The following TOP1 variants were observed in gnomAD, a reference collection of about 807,000 sequenced individuals.
The protein encoded by TOP1 is DNA topoisomerase 1.
TOP1 carries 10 observed loss-of-function variants against 111.1 expected under a neutral mutation model. That is an observed-to-expected ratio of 0.09 (90% confidence interval 0.06 to 0.15). The LOEUF (loss-of-function observed/expected upper bound fraction) is 0.15, where lower values mean the gene tolerates loss of function less well. TOP1 is among the 10% of genes least tolerant of loss of function. The pLI is 1.00. For missense variants in TOP1, 474 were observed against 926.7 expected (o/e 0.51, Z 6.34); for synonymous variants, 271 against 302.9 (o/e 0.89, Z 1.10).
chr20:41,065,684 A>G (rs1222493509), intron 3 of TOP1, among the ~76,000 whole-genome samples: 2 of 152,122 alleles, frequency 1.3e-5, no homozygotes, highest in African/African-American at 4.8e-5. Context: ...AATCTGTTCT[A>G]TATTCCCTTA....
rs748191040 is a variant in TOP1, at chr20:41,067,370, C to G, written c.155+5880C>G. Among the ~76,000 whole-genome samples the G allele has an allele frequency of 6.6e-6, 1 of 152,182 alleles. No individual in the cohort carries two copies. The highest frequency in any genetic ancestry group is 2.4e-5 in the African/African-American group (1 of 41,432). ...TCCTGGCCTTGTGATCCTCCTGCCTCAGCCTCCCAAGGTGCTGGGATTACA... is the reference window on the plus strand; with the variant it reads ...TCCTGGCCTTGTGATCCTCCTGCCTGAGCCTCCCAAGGTGCTGGGATTACA... On this transcript the variant is annotated intron_variant, in intron 3 of 20. Transcript: ENST00000361337. This position sits in a 1 kb window ranked among gnomAD's most constrained non-coding sequence, Gnocchi z 4.0.
chr20:41,114,246 G>GT lies in TOP1; in HGVS notation c.1638+91_1638+92insT. 12 of 1,184,408 alleles carry GT rather than the reference G, an allele frequency of 1.0e-5. No homozygotes were observed. Among genetic ancestry groups the GT allele is most frequent in the Non-Finnish European group, 1.5e-5 (12 of 825,758 alleles). 73.4% of individuals were successfully genotyped at this position (1,184,408 alleles called of 1,614,324 possible). ...TTTTTGTGTGCTTTGCACTTTGCTG[G>GT]GCACCAGCAAAAGTGACTTGAGACA... On this transcript the variant is annotated intron_variant, in intron 15 of 20. Transcript: ENST00000361337. The surrounding 1 kb of genome is among the most constrained non-coding windows in gnomAD (Gnocchi z 4.5).
At chr20:41,056,604 CAG>C (rs2033474503) in intron 2 of TOP1, among the ~76,000 whole-genome samples, 1 of 152,168 alleles carries the variant, frequency 6.6e-6, no homozygotes, top group African/African-American at 2.4e-5. Context: ...ACCTCACCCT[CAG>C]AGCAGCCAGT....
chr20:41,103,795 A>G (rs1426933106), intron 13 of TOP1, among the ~76,000 whole-genome samples: 1 of 152,026 alleles, frequency 6.6e-6, no homozygotes, highest in Non-Finnish European at 1.5e-5. Context: ...TCTATTAGAA[A>G]CACCCATTCT....
Position 41,082,789 on chromosome 20 carries a change from C to A in TOP1, c.507+1549C>A, listed in dbSNP as rs1297992789. ...ATCACTCCACTTGCATATACCAAAT[C>A]AGTACAGACTAGTCAGTAAAGGAAT... On this transcript the variant is annotated intron_variant, in intron 7 of 20. Transcript: ENST00000361337. The surrounding 1 kb of genome is among the most constrained non-coding windows in gnomAD (Gnocchi z 4.1). Among the ~76,000 whole-genome samples the A allele has an allele frequency of 2.6e-5, 4 of 151,296 alleles. No individual in the cohort carries two copies. The highest frequency in any genetic ancestry group is 9.7e-5 in the African/African-American group (4 of 41,196).
chr20:41,049,175 T>G (rs1187333771), intron 2 of TOP1, among the ~76,000 whole-genome samples: 1 of 152,228 alleles, frequency 6.6e-6, no homozygotes, highest in Non-Finnish European at 1.5e-5. Flanking sequence ...GGATAATAGC[T>G]GACCACTAAT....
chr20:41,105,823 A>G (rs776703170), intron 13 of TOP1, among the ~76,000 whole-genome samples: 4 of 152,200 alleles, frequency 2.6e-5, no homozygotes, highest in Non-Finnish European at 1.5e-5. Context: ...GGCATTTAGC[A>G]TGGTTATACA....
chr20:41,063,711 A>G (rs915941001), intron 3 of TOP1, among the ~76,000 whole-genome samples: 1 of 152,062 alleles, frequency 6.6e-6, no homozygotes, highest in Admixed American at 6.5e-5. Flanking sequence ...ATTTTTTCAT[A>G]CATTTGTTGG....
At position 41,081,244 on chromosome 20, in the gene TOP1, A is replaced by G. The variant is rs1319411910; in HGVS notation, c.507+4A>G. Reference sequence around the variant, plus strand: ...AAGAAAACTAGAAGAAGAAGAGGTTAGTAAAGAGACTTAGGTCCTTTGGGG... The same window carrying G: ...AAGAAAACTAGAAGAAGAAGAGGTTGGTAAAGAGACTTAGGTCCTTTGGGG... On this transcript the variant is annotated splice_donor_region_variant and intron_variant, in intron 7 of 20. Coordinates refer to ENST00000361337, the MANE Select transcript of TOP1 (RefSeq NM_003286.4). The G allele has an allele frequency of 2.5e-6, 4 of 1,602,292 alleles. No individual in the cohort carries two copies. The East Asian group carries it at 6.7e-5, about 27-fold the overall frequency.
chr20:41,065,076 T>C (rs2033591159), intron 3 of TOP1, among the ~76,000 whole-genome samples: 1 of 152,120 alleles, frequency 6.6e-6, no homozygotes, highest in Non-Finnish European at 1.5e-5. Context: ...GCTAATTTTT[T>C]GTATTTTTAG....
rs960218760 is a variant in TOP1, at chr20:41,061,036, T to C, written c.59-358T>C. Among the ~76,000 whole-genome samples, 2 of 152,266 alleles carry C rather than the reference T, an allele frequency of 1.3e-5. No homozygotes were observed. The highest frequency in any genetic ancestry group is 4.8e-5 in the African/African-American group (2 of 41,470). On this transcript the variant is annotated intron_variant, in intron 2 of 20. Coordinates refer to ENST00000361337, the MANE Select transcript of TOP1 (RefSeq NM_003286.4). The surrounding 1 kb of genome is among the most constrained non-coding windows in gnomAD (Gnocchi z 4.6). ...TGAGGTTTGGATTTTTCAGAAGTTA[T>C]AACATCTGATCTTTAGAGTCAGTGT...
Position 41,058,267 on chromosome 20 carries a change from T to C in TOP1, c.59-3127T>C, listed in dbSNP as rs910422128. ...CATTGCCTATGCATTATTAATTGAT[T>C]GCTATAAAACATGTTGCCTCAAAAT... On this transcript the variant is annotated intron_variant, in intron 2 of 20. Transcript: ENST00000361337. The surrounding 1 kb of genome is among the most constrained non-coding windows in gnomAD (Gnocchi z 4.2). Among the ~76,000 whole-genome samples, 5 of 152,250 alleles carry C rather than the reference T, an allele frequency of 3.3e-5. No individual in the cohort carries two copies. The highest frequency in any genetic ancestry group is 2.0e-4 in the Admixed American group (3 of 15,290).
Position 41,098,212 on chromosome 20 carries a change from T to C in TOP1, c.853-3T>C. On this transcript the variant is annotated splice_region_variant and splice_polypyrimidine_tract_variant and intron_variant, in intron 10 of 20. Transcript: ENST00000361337. This position sits in a 1 kb window ranked among gnomAD's most constrained non-coding sequence, Gnocchi z 5.7. ...TTTCATCTCCCCATTTTCTTTTGAC[T>C]AGGAAATGACTAATGAAGAGAAGAA... 6.2e-7 allele frequency: 1 copy of C among 1,613,704 alleles called. No individual in the cohort carries two copies.
In TOP1 at chr20:41,122,188, C is replaced by G. The variant is rs375360242; in HGVS notation, c.2195+33C>G. ...TTGAGCCCTCCTTGAGCTCCTGCTG[C>G]TAGCTTAAGAAAGGTGGAGGGGGTT... On this transcript the variant is annotated intron_variant, in intron 20 of 20. Transcript: ENST00000361337. The surrounding 1 kb of genome is among the most constrained non-coding windows in gnomAD (Gnocchi z 5.4). The G allele has an allele frequency of 1.5e-4, 236 of 1,611,096 alleles. 1 individual carries two copies. In the African/African-American group the frequency reaches 2.6e-3, roughly 18 times the overall value.
At position 41,029,484 on chromosome 20, in the gene TOP1, GGCCCCCCA is replaced by G; in HGVS notation, c.58+33_58+40del. The G allele has an allele frequency of 1.9e-6, 3 of 1,551,524 alleles. No individual in the cohort carries two copies. Among genetic ancestry groups the G allele is most frequent in the East Asian group, 5.0e-5 (2 of 40,214 alleles). ...AGTGTGCCCCCTGCGCCGACTCCGG[GGCCCCCCA>G]GCCGCCGGCCGCCTCCCCCGCGCCC... is the stretch of plus-strand genomic sequence containing the variant. On this transcript the variant is annotated intron_variant, in intron 2 of 20. Transcript: ENST00000361337. The surrounding 1 kb of genome is among the most constrained non-coding windows in gnomAD (Gnocchi z 6.1).
At chr20:41,090,270 C>T (rs1387238438) in intron 8 of TOP1, among the ~76,000 whole-genome samples, 9 of 152,152 alleles carry the variant, frequency 5.9e-5, no homozygotes, top group African/African-American at 2.2e-4. Context: ...TGAGCCACTG[C>T]GCCCAGCCCC....
chr20:41,041,884 GGGTGAT>G lies in TOP1; in HGVS notation c.58+12431_58+12436del, dbSNP rs796096690. 3.0e-4 allele frequency among the ~76,000 whole-genome samples: 38 copies of G among 125,000 alleles called. No homozygotes were observed. In the East Asian group the frequency reaches 7.2e-3, roughly 24 times the overall value. The allele number at this position is 125,000 out of a possible 152,430, so 82.0% of individuals were successfully genotyped here. A position where few individuals can be genotyped will look rare whatever the true frequency, so the allele number is the denominator to read the frequency against. ...CACAGGTTAAGGTATAAAGCTTACA[GGGTGAT>G]GATGATGATGATGATGATTATTATT... On this transcript the variant is annotated intron_variant, in intron 2 of 20. Transcript: ENST00000361337.
At chr20:41,040,224 G>A (rs1260530813) in intron 2 of TOP1, among the ~76,000 whole-genome samples, 2 of 152,192 alleles carry the variant, frequency 1.3e-5, no homozygotes, top group Admixed American at 1.3e-4. Flanking sequence ...AGCTGTTAAA[G>A]CTCTTCAGAG....
intron 2 of TOP1, among the ~76,000 whole-genome samples, chr20:41,050,877 T>C (rs937522408): frequency 6.6e-6 from 1 of 151,598 alleles, no homozygotes; most frequent in African/African-American, 2.4e-5. Flanking sequence ...ATACTGGGTA[T>C]AGAGTGTTAA....
Sources: gnomAD v4.1 joint callset for allele counts (sites outside exome capture counted in the v4.1 genomes callset) on GRCh38, gnomAD v4.1.1 for gene constraint, Gnocchi (gnomAD v3.1) non-coding constraint, MANE v1.5 for transcripts, NCBI Gene and HGNC (gene_info 2026-07-23, HGNC 2026-07-21) for gene names.